KRT72: variants seen among roughly 807,000 people sequenced by gnomAD.
KRT72 encodes the protein keratin, type II cytoskeletal 72.
A neutral mutation model predicts 44.7 loss-of-function variants in KRT72; 44 were observed. The ratio of observed to expected loss-of-function variants is 0.98; its 90% confidence interval spans 0.77 to 1.27. The LOEUF is 1.27. Among genes scored for constraint, KRT72 ranks in the 50% most tolerant of loss-of-function variants. The pLI is 0.00. For missense variants in KRT72, 736 were observed against 667.1 expected (o/e 1.10, Z -1.14); for synonymous variants, 302 against 280.4 (o/e 1.08, Z -0.77).
intron 2 of KRT72, among the ~76,000 whole-genome samples, chr12:52,597,747 C>G (rs1282358396): frequency 6.6e-6 from 1 of 152,210 alleles, no homozygotes; most frequent in South Asian, 2.1e-4. Context: ...CTTTTCAAAG[C>G]TGCTAATACA....
upstream of KRT72, among the ~76,000 whole-genome samples, chr12:52,602,562 T>G (rs1249143610): frequency 6.6e-6 from 1 of 152,218 alleles, no homozygotes; most frequent in Non-Finnish European, 1.5e-5. Flanking sequence ...GTGGGATTAT[T>G]TCATTGCTCT....
chr12:52,595,694 T>C (rs1302947752), intron 2 of KRT72, among the ~76,000 whole-genome samples: 1 of 152,230 alleles, frequency 6.6e-6, no homozygotes, highest in Non-Finnish European at 1.5e-5. Context: ...TTTTTAAGGA[T>C]AAAGAATTGG....
rs1389791993 is a variant in KRT72, at chr12:52,601,062, C to T, written c.391G>A (p.Ala131Thr). Reference sequence around the variant, plus strand: ...AAGGAGGCGAACTTGTTGTTTAGCGCCTTGATCTGCTCCCGCTCCTGGGCG... The same window carrying T: ...AAGGAGGCGAACTTGTTGTTTAGCGTCTTGATCTGCTCCCGCTCCTGGGCG... Reference protein sequence around the residue: ...VRAQEREQIKALNNKFASFID... With the variant: ...VRAQEREQIKTLNNKFASFID... The change falls in exon 1 of 9, where the codon GCG (alanine) becomes ACG (threonine). Residue 131 changes from alanine (A) to threonine (T), a missense_variant. Ala to Thr is a moderately conservative substitution (Grantham distance 58). Transcript: ENST00000293745. 11 of 1,612,536 alleles carry T rather than the reference C, an allele frequency of 6.8e-6. No homozygotes were observed. The highest frequency in any genetic ancestry group is 8.5e-6 in the Non-Finnish European group (10 of 1,179,576).
chr12:52,592,475 T>G lies in KRT72; in HGVS notation c.719A>C (p.Tyr240Ser). Residue 240 changes from tyrosine to serine, a missense_variant, in exon 4 of 9, where the codon TAC (tyrosine) becomes TCC (serine). Coordinates refer to ENST00000293745, the MANE Select transcript of KRT72 (RefSeq NM_080747.3). The part of the protein sequence containing the change: ...VVLKKDVDAA[Y>S]MNKVELQAKV... ...GGCCTGGAGCTCAACCTTATTCATG[T>G]AAGCAGCATCCACGTCCTGGGAGCA... 6.2e-7 allele frequency: 1 copy of G among 1,614,068 alleles called. No homozygotes were observed. The highest frequency in any genetic ancestry group is 8.5e-7 in the Non-Finnish European group (1 of 1,179,934).
intron 6 of KRT72, among the ~76,000 whole-genome samples, chr12:52,588,574 T>C (rs1299749232): frequency 6.6e-6 from 1 of 152,168 alleles, no homozygotes; most frequent in Non-Finnish European, 1.5e-5. Context: ...TCAAGATGCA[T>C]GGTTGATAGG....
chr12:52,597,924 G>A (rs4103862), intron 2 of KRT72, among the ~76,000 whole-genome samples: 52,609 of 152,012 alleles, frequency 0.35, 9,776 homozygotes, highest in East Asian at 0.59. Context: ...AGCCACTCCA[G>A]TCTGAAAGGC....
At chr12:52,594,307 C>T (rs899074720) in intron 2 of KRT72, among the ~76,000 whole-genome samples, 2 of 152,142 alleles carry the variant, frequency 1.3e-5, no homozygotes, top group Non-Finnish European at 2.9e-5. Flanking sequence ...GACACATGCA[C>T]ACATATGTTT....
intron 6 of KRT72, among the ~76,000 whole-genome samples, chr12:52,590,332 C>A (rs887363418): frequency 5.9e-5 from 9 of 152,314 alleles, no homozygotes; most frequent in African/African-American, 1.9e-4. Context: ...TCTAAAATCT[C>A]CTGCTGGATT....
At chr12:52,599,552 T>C (rs1440779814) in intron 1 of KRT72, 4 of 435,532 alleles carry the variant, frequency 9.2e-6, no homozygotes, top group Non-Finnish European at 1.8e-5. Flanking sequence ...TCACAGCAAG[T>C]TACCACATCT....
rs776000168 is a variant in KRT72, at chr12:52,586,987, AAGG to A, written c.1311-10_1311-8del. 2 of 1,613,716 alleles carry A rather than the reference AAGG, an allele frequency of 1.2e-6. No individual in the cohort carries two copies. The highest frequency in any genetic ancestry group is 4.5e-5 in the East Asian group (2 of 44,882). ...TGGATATTCGCCAGACATCCTGAAG[AAGG>A]AGAAGAAAAACAGGTAAATCCCCCA... On this transcript the variant is annotated splice_region_variant and splice_polypyrimidine_tract_variant and intron_variant, in intron 7 of 8. Coordinates refer to ENST00000293745, the MANE Select transcript of KRT72 (RefSeq NM_080747.3).
chr12:52,598,422 GAC>G, intron 2 of KRT72, among the ~76,000 whole-genome samples: 1 of 152,188 alleles, frequency 6.6e-6, no homozygotes, highest in Non-Finnish European at 1.5e-5. Context: ...CTTGGAGGAG[GAC>G]ACAACCTCTG....
At chr12:52,595,414 CAT>C (rs1940198372) in intron 2 of KRT72, among the ~76,000 whole-genome samples, 1 of 152,096 alleles carries the variant, frequency 6.6e-6, no homozygotes, top group African/African-American at 2.4e-5. Context: ...TTATACAAGA[CAT>C]ATTTCTTAGT....
rs1276670093 is a variant in KRT72, at chr12:52,600,739, T to TC, written c.426+287dup. Among the ~76,000 whole-genome samples, 38 of 151,862 alleles carry TC rather than the reference T, an allele frequency of 2.5e-4. No individual in the cohort carries two copies. The South Asian group carries it at 4.4e-3, about 18-fold the overall frequency. On this transcript the variant is annotated intron_variant, in intron 1 of 8. Coordinates refer to ENST00000293745, the MANE Select transcript of KRT72 (RefSeq NM_080747.3). ...GTCCAATGAAACCTCTTTTTTTTTT[T>TC]CCCAGTCTCGGGTATGTCTTTATCA...
rs1341329662 is a variant in KRT72, at chr12:52,601,291, G to A, written c.162C>T (p.Gly54=). 1.9e-6 allele frequency: 3 copies of A among 1,549,668 alleles called. No individual in the cohort carries two copies. Among genetic ancestry groups the A allele is most frequent in the Non-Finnish European group, 2.6e-6 (3 of 1,148,170 alleles). Residue 54 remains glycine (G), a synonymous_variant, in exon 1 of 9, where the codon GGC becomes GGT. Coordinates refer to ENST00000293745, the MANE Select transcript of KRT72 (RefSeq NM_080747.3). ...CAGCGCTGAGCGCCAGGCTTCGGCT[G>A]CCCCCAAGGCAGGAGAGGCTCTTGC... ...FGSKSLSCLG[G]SRSLALSAAA...
intron 2 of KRT72, among the ~76,000 whole-genome samples, chr12:52,598,460 C>T (rs914275971): frequency 6.6e-6 from 1 of 152,226 alleles, no homozygotes. Flanking sequence ...CAATCATCCT[C>T]AAACATTCTC....
intron 6 of KRT72, among the ~76,000 whole-genome samples, chr12:52,589,886 G>T (rs949824067): frequency 2.0e-5 from 3 of 152,106 alleles, no homozygotes; most frequent in Non-Finnish European, 4.4e-5. Flanking sequence ...AAACATCTGC[G>T]TTTTTTCTGC....
At chr12:52,591,745 C>G (rs1397530361) in intron 4 of KRT72, 117 bp from the exon 5 acceptor site, 22 of 1,022,120 alleles carry the variant, frequency 2.2e-5, no homozygotes, top group Non-Finnish European at 3.0e-5. Flanking sequence ...CGTTTGAACT[C>G]TGCCTCAGCA....
chr12:52,587,799 G>A lies in KRT72; in HGVS notation c.1142C>T (p.Ala381Val), dbSNP rs760315693. 1.2e-6 allele frequency: 2 copies of A among 1,614,096 alleles called. No homozygotes were observed. The highest frequency in any genetic ancestry group is 1.7e-5 in the Admixed American group (1 of 60,006). Residue 381 changes from alanine to valine, a missense_variant, in exon 7 of 9, where the codon GCC becomes GTC. Physicochemically the swap from Ala to Val is moderately conservative, Grantham distance 64 (BLOSUM62 0). Coordinates refer to ENST00000293745, the MANE Select transcript of KRT72 (RefSeq NM_080747.3). Reference sequence around the variant, plus strand: ...CAGCTTGGCCCGGGCATCTTTCAGGGCGCAGTCCCCCCGCTGTTCAGCGTC... The same window carrying A: ...CAGCTTGGCCCGGGCATCTTTCAGGACGCAGTCCCCCCGCTGTTCAGCGTC... Reference protein sequence around the residue: ...IADAEQRGDCALKDARAKLDE... With the variant: ...IADAEQRGDCVLKDARAKLDE...
chr12:52,600,891 C>T (rs1456082744), intron 1 of KRT72, 136 bp downstream of exon 1: 5 of 892,824 alleles, frequency 5.6e-6, no homozygotes, highest in Non-Finnish European at 8.6e-6. Context: ...ATTATTGTGC[C>T]CATTTTACAA....
Sources: gnomAD v4.1 joint callset for allele counts (sites outside exome capture counted in the v4.1 genomes callset) on GRCh38, gnomAD v4.1.1 for gene constraint, MANE v1.5 for transcripts, NCBI Gene and HGNC (gene_info 2026-07-23, HGNC 2026-07-21) for gene names.